INTS9: variants seen among roughly 807,000 people sequenced by gnomAD.
INTS9 encodes integrator complex subunit 9.
A neutral mutation model predicts 79.7 loss-of-function variants in INTS9; 55 were observed. That is an observed-to-expected ratio of 0.69 (90% CI 0.56 to 0.86). The LOEUF is 0.86. Among genes scored for constraint, INTS9 ranks in the 40% least tolerant of loss-of-function variants. The pLI, the probability that INTS9 is intolerant of heterozygous loss-of-function variation, is 0.00. For synonymous variants in INTS9, 319 were observed against 325.2 expected (o/e 0.98, Z 0.20); for missense variants, 721 against 831.5 (o/e 0.87, Z 1.64).
intron 1 of INTS9, among the ~76,000 whole-genome samples, chr8:28,860,360 G>A (rs1292425327): frequency 2.6e-5 from 4 of 152,022 alleles, no homozygotes; most frequent in Admixed American, 6.6e-5. Context: ...TTGCTGCTCC[G>A]AAGAAAAGAA....
rs551591124 is a variant in INTS9 at position 28,835,501 on chromosome 8, T to C, written c.402-123A>G. The C allele has an allele frequency of 2.4e-4, 150 of 626,136 alleles. 1 individual carries two copies. Among genetic ancestry groups the C allele is most frequent in the African/African-American group, 2.3e-3 (125 of 54,588 alleles). The allele number at this position is 626,136 out of a possible 1,614,324, so 38.8% of individuals were successfully genotyped here. ...CCCCTACACCATTTCATCATCATCT[T>C]CCTCTCTGCTGCACATAAACTTGAT... is the stretch of plus-strand genomic sequence containing the variant. On this transcript the variant is annotated intron_variant, in intron 5 of 16. Coordinates refer to ENST00000521022, the MANE Select transcript of INTS9 (RefSeq NM_018250.4).
intron 11 of INTS9, among the ~76,000 whole-genome samples, chr8:28,782,304 CT>C (rs1563247352): frequency 6.6e-6 from 1 of 152,178 alleles, no homozygotes; most frequent in African/African-American, 2.4e-5. Context: ...GTACAAGTGA[CT>C]TTCCCAACAC....
chr8:28,842,799 C>G (rs1002718141), intron 4 of INTS9, among the ~76,000 whole-genome samples: 22 of 152,168 alleles, frequency 1.4e-4, no homozygotes, highest in African/African-American at 5.3e-4. Context: ...GGCTTCATGG[C>G]TCTTTCTGTA....
At chr8:28,802,351 C>A (rs989672551) in intron 8 of INTS9, among the ~76,000 whole-genome samples, 10 of 152,146 alleles carry the variant, frequency 6.6e-5, no homozygotes, top group Non-Finnish European at 1.3e-4. Flanking sequence ...TGGTTAATGA[C>A]CCACAAAATG....
intron 4 of INTS9, among the ~76,000 whole-genome samples, chr8:28,844,822 A>C (rs1807410419): frequency 6.6e-6 from 1 of 152,198 alleles, no homozygotes; most frequent in Non-Finnish European, 1.5e-5. Context: ...TCTCAAAAAA[A>C]AAATTTTTCT....
At chr8:28,819,021 T>C (rs1319299679) in intron 6 of INTS9, among the ~76,000 whole-genome samples, 16 of 152,062 alleles carry the variant, frequency 1.1e-4, no homozygotes, top group South Asian at 2.1e-4. Flanking sequence ...TTTTTTATTG[T>C]GTCTATTTGA....
intron 6 of INTS9, among the ~76,000 whole-genome samples, chr8:28,816,331 T>A (rs1459705095): frequency 8.3e-6 from 1 of 120,220 alleles, no homozygotes; most frequent in Non-Finnish European, 1.6e-5. Flanking sequence ...GTCCCCAGAG[T>A]GTGATGTTCC....
intron 6 of INTS9, among the ~76,000 whole-genome samples, chr8:28,831,850 CACT>C (rs1287116854): frequency 6.6e-6 from 1 of 152,106 alleles, no homozygotes; most frequent in Admixed American, 6.6e-5. Flanking sequence ...AGGTGCCCAC[CACT>C]ACGCCTGGCT....
intron 1 of INTS9, among the ~76,000 whole-genome samples, chr8:28,861,550 C>T (rs527417580): frequency 6.6e-6 from 1 of 152,240 alleles, no homozygotes; most frequent in African/African-American, 2.4e-5. Context: ...CAGCTTTCTC[C>T]ATTTTCCAAA....
At chr8:28,788,004 G>T in intron 10 of INTS9, 115 bp from the exon 11 acceptor site, 2 of 545,496 alleles carry the variant, frequency 3.7e-6, no homozygotes, top group African/African-American at 1.9e-5. Flanking sequence ...AAAATTTCCC[G>T]CCAGTGAATT....
intron 1 of INTS9, among the ~76,000 whole-genome samples, chr8:28,869,166 C>T (rs1254684642): frequency 1.3e-5 from 2 of 152,064 alleles, no homozygotes; most frequent in East Asian, 3.8e-4. Flanking sequence ...ATTTCAACAT[C>T]ATCTAAATGC....
At chr8:28,827,459 T>C (rs958328157) in intron 6 of INTS9, among the ~76,000 whole-genome samples, 1 of 152,120 alleles carries the variant, frequency 6.6e-6, no homozygotes, top group African/African-American at 2.4e-5. Context: ...AATAAATGAA[T>C]GAATAAGTGA....
At chr8:28,880,279 T>C (rs1378812327) in intron 1 of INTS9, among the ~76,000 whole-genome samples, 4 of 118,426 alleles carry the variant, frequency 3.4e-5, no homozygotes, top group Non-Finnish European at 5.2e-5. Flanking sequence ...TCTCCCTCTC[T>C]CTCCCTCCAC....
chr8:28,874,418 T>C (rs1479572919), intron 1 of INTS9, among the ~76,000 whole-genome samples: 2 of 151,832 alleles, frequency 1.3e-5, no homozygotes, highest in Non-Finnish European at 2.9e-5. Context: ...GCCTCCCGAG[T>C]AGCTGAGACT....
intron 5 of INTS9, among the ~76,000 whole-genome samples, chr8:28,836,495 A>G (rs1278543614): frequency 6.6e-6 from 1 of 152,248 alleles, no homozygotes; most frequent in Admixed American, 6.5e-5. Context: ...CCATTAATGT[A>G]TTAGCATTTG....
intron 16 of INTS9, among the ~76,000 whole-genome samples, chr8:28,769,204 T>C (rs982620806): frequency 6.6e-6 from 1 of 152,206 alleles, no homozygotes; most frequent in African/African-American, 2.4e-5. Context: ...ATATTTACAT[T>C]GGATAGAAAG....
intron 1 of INTS9, among the ~76,000 whole-genome samples, chr8:28,872,491 C>T (rs1195349217): frequency 6.6e-6 from 1 of 151,894 alleles, no homozygotes; most frequent in Non-Finnish European, 1.5e-5. Flanking sequence ...GGAATAAAAA[C>T]TATTTGCTAG....
chr8:28,839,269 C>A (rs1041059478), intron 4 of INTS9, among the ~76,000 whole-genome samples: 8 of 151,996 alleles, frequency 5.3e-5, no homozygotes, highest in African/African-American at 1.7e-4. Flanking sequence ...AACTACAAAC[C>A]ACTGCTCAAT....
chr8:28,820,568 T>A (rs1044773299), intron 6 of INTS9, among the ~76,000 whole-genome samples: 13 of 152,236 alleles, frequency 8.5e-5, no homozygotes, highest in African/African-American at 2.9e-4. Flanking sequence ...CCCTTAACAT[T>A]TTTTCCTTCA....
Sources: allele counts gnomAD v4.1 joint callset (sites outside exome capture counted in the v4.1 genomes callset), GRCh38; gene constraint gnomAD v4.1.1; transcripts MANE v1.5; gene names NCBI Gene and HGNC (gene_info 2026-07-23, HGNC 2026-07-21).